Variants in CAPRIN2 observed in about 807,000 individuals in gnomAD.
CAPRIN2 encodes caprin-2.
Under a neutral mutation model 130.4 loss-of-function variants are expected in CAPRIN2, and 66 were observed. The observed-to-expected ratio is 0.51, with a 90% CI of 0.42 to 0.62. CAPRIN2 has a LOEUF of 0.62. Ranked by LOEUF, CAPRIN2 falls within the 20% of genes least tolerant of loss-of-function variation. CAPRIN2 has a pLI of 0.00. For missense variants in CAPRIN2, 1,185 were observed against 1,246.6 expected, an observed-to-expected ratio of 0.95 and a Z score of 0.74; for synonymous variants, 471 against 444.1, an observed-to-expected ratio of 1.06 and a Z score of -0.76.
chr12:30,720,853 A>G lies in CAPRIN2; in HGVS notation c.2106T>C (p.Ser702=), dbSNP rs775765874. The G allele has an allele frequency of 1.9e-6, 3 of 1,613,810 alleles. No homozygotes were observed. The South Asian group carries it at 3.3e-5, about 18-fold the overall frequency. ...TCATAAACTCTGTTTCAGATCCAGA[A>G]GAAGCCTGATCGGTAGTAACCAAGC... The change falls in exon 12 of 17, where the codon TCT becomes TCC. Residue 702 remains serine, a synonymous_variant. Coordinates refer to ENST00000298892, the Ensembl canonical transcript of CAPRIN2.
exon 9 of CAPRIN2, chr12:30,726,056 A>C: frequency 6.3e-7 from 1 of 1,591,750 alleles, no homozygotes; most frequent in East Asian, 2.3e-5. Context: ...GGGTAGAGGA[A>C]GAACCTACAG....
At chr12:30,739,690 G>A (rs902578933) in intron 3 of CAPRIN2, among the ~76,000 whole-genome samples, 1 of 151,462 alleles carries the variant, frequency 6.6e-6, no homozygotes, top group Non-Finnish European at 1.5e-5. Context: ...ACTCCAGCCT[G>A]GGCGACAGGG....
At chr12:30,739,697 AG>A (rs2066500380) in intron 3 of CAPRIN2, among the ~76,000 whole-genome samples, 1 of 149,320 alleles carries the variant, frequency 6.7e-6, no homozygotes, top group African/African-American at 2.5e-5. Flanking sequence ...CCTGGGCGAC[AG>A]GGCAAGACTC....
intron 11 of CAPRIN2, among the ~76,000 whole-genome samples, chr12:30,722,602 T>TA (rs1491036901): frequency 1.3e-5 from 2 of 152,110 alleles, no homozygotes; most frequent in Non-Finnish European, 2.9e-5. Flanking sequence ...GCTCAACAAA[T>TA]ACAGTTTGAA....
chr12:30,713,907 A>G (rs1366422088), intron 14 of CAPRIN2, 22 bp from the exon 17 acceptor site: 2 of 1,345,236 alleles, frequency 1.5e-6, no homozygotes, highest in East Asian at 2.3e-5. Context: ...ACAAACTTAC[A>G]TAAGATTATG....
At chr12:30,716,202 C>A in intron 13 of CAPRIN2, 1 of 262,058 alleles carries the variant, frequency 3.8e-6, no homozygotes, top group Non-Finnish European at 7.2e-6. Context: ...TATAAGCAGC[C>A]AGATAGTGCC....
intron 11 of CAPRIN2, 73 bp from the exon 13 acceptor site, chr12:30,720,988 T>C (rs2059249998): frequency 1.0e-6 from 1 of 1,003,038 alleles, no homozygotes; most frequent in Admixed American, 1.8e-5. Flanking sequence ...GCCCTGGCCT[T>C]CCTAATATGT....
At chr12:30,716,916 G>C (rs544084503) in intron 12 of CAPRIN2, among the ~76,000 whole-genome samples, 1 of 152,164 alleles carries the variant, frequency 6.6e-6, no homozygotes, top group Admixed American at 6.5e-5. Context: ...CATTAGCAGG[G>C]CTATTATCAA....
In CAPRIN2 at chr12:30,753,409, CAT is replaced by C; in HGVS notation, c.353_354del (p.Tyr118Ter). On this transcript the variant is annotated frameshift_variant, in exon 1 of 17. Coordinates refer to ENST00000298892, the Ensembl canonical transcript of CAPRIN2. LOFTEE classifies it high-confidence loss of function. ...ATGAGTCCATTTTCAATATAGGTCT[CAT>C]ACGCTTGGGAAGGAGATGCAGCAGA... The C allele has an allele frequency of 2.5e-6, 4 of 1,613,980 alleles. No individual in the cohort carries two copies. Among genetic ancestry groups the C allele is most frequent in the Non-Finnish European group, 3.4e-6 (4 of 1,180,028 alleles).
chr12:30,746,340 T>C (rs1258325859), intron 2 of CAPRIN2, among the ~76,000 whole-genome samples: 1 of 152,214 alleles, frequency 6.6e-6, no homozygotes, highest in Non-Finnish European at 1.5e-5. Flanking sequence ...TACAGTGAGC[T>C]ATGATATTGT....
chr12:30,733,334 G>A lies in CAPRIN2; in HGVS notation c.892+295C>T, dbSNP rs528818968. 1.9e-3 allele frequency among the ~76,000 whole-genome samples: 284 copies of A among 152,234 alleles called. 1 individual carries two copies. The highest frequency in any genetic ancestry group is 6.5e-3 in the African/African-American group (272 of 41,566). On this transcript the variant is annotated intron_variant, in intron 5 of 16. Transcript: ENST00000298892. The stretch of plus-strand genomic sequence containing the variant: ...AGAACAGGTACTACCACACAGAATA[G>A]AAAACTGAACCCCAAAATGATCAAG...
chr12:30,751,407 C>T (rs1277996921), intron 1 of CAPRIN2: 3 of 349,542 alleles, frequency 8.6e-6, no homozygotes, highest in African/African-American at 6.2e-5. Context: ...GACTACTTAA[C>T]CCATGGGGAC....
At chr12:30,730,391 A>G (rs1193415332) in intron 6 of CAPRIN2, 109 bp from the exon 8 acceptor site, 2 of 779,186 alleles carry the variant, frequency 2.6e-6, no homozygotes, top group East Asian at 2.6e-5. Context: ...TCGTAACAGA[A>G]AAAGGGTAAT....
At chr12:30,749,345 A>T (rs1384738322) in intron 2 of CAPRIN2, among the ~76,000 whole-genome samples, 1 of 152,178 alleles carries the variant, frequency 6.6e-6, no homozygotes, top group Non-Finnish European at 1.5e-5. Context: ...ACAAATGGGG[A>T]CTTCTGAGCA....
At chr12:30,724,642 T>C (rs1332801495) in intron 9 of CAPRIN2, among the ~76,000 whole-genome samples, 191 bp from the exon 11 acceptor site, 3 of 152,082 alleles carry the variant, frequency 2.0e-5, no homozygotes, top group African/African-American at 4.8e-5. Flanking sequence ...AAATTAAGAA[T>C]TAAAAATAAA....
At chr12:30,735,154 T>A (rs1443917252) in exon 4 of CAPRIN2, 1 of 1,614,156 alleles carries the variant, frequency 6.2e-7, no homozygotes, top group East Asian at 2.2e-5. Context: ...CTTCTCAGCC[T>A]CAAGTTTTAG....
chr12:30,744,321 A>G (rs2068864547), intron 2 of CAPRIN2, among the ~76,000 whole-genome samples: 2 of 152,178 alleles, frequency 1.3e-5, no homozygotes, highest in Non-Finnish European at 2.9e-5. Flanking sequence ...TTTTTTAACT[A>G]AAAATCTGTA....
In CAPRIN2 at chr12:30,751,401, A is replaced by G. The variant is rs1592346550; in HGVS notation, c.421-268T>C. 4 of 375,276 alleles carry G rather than the reference A, an allele frequency of 1.1e-5. No homozygotes were observed. In the East Asian group the frequency reaches 2.1e-4, roughly 20 times the overall value. 23.2% of individuals were successfully genotyped at this position (375,276 alleles called of 1,614,324 possible). A position where few individuals can be genotyped will look rare whatever the true frequency, so the allele number is the denominator to read the frequency against. ...TAATGACTCTATTAATAACTAGACT[A>G]CTTAACCCATGGGGACTTACCTACT... On this transcript the variant is annotated intron_variant, in intron 1 of 16. Transcript: ENST00000298892.
At position 30,734,217 on chromosome 12, in the gene CAPRIN2, T is replaced by C. The variant is rs117562008; in HGVS notation, c.810-506A>G. ...ATCAGCATGAGAATTAAAAAATACATGGCTATATATAGGCAATTAAGAGTT... is the reference window on the plus strand; with the variant it reads ...ATCAGCATGAGAATTAAAAAATACACGGCTATATATAGGCAATTAAGAGTT... On this transcript the variant is annotated intron_variant, in intron 4 of 16. Coordinates refer to ENST00000298892, the Ensembl canonical transcript of CAPRIN2. 9.1e-4 allele frequency among the ~76,000 whole-genome samples: 138 copies of C among 152,324 alleles called. 3 individuals are homozygous for C. The East Asian group carries it at 0.023, about 26-fold the overall frequency.
Sources: gnomAD v4.1 joint callset for allele counts (sites outside exome capture counted in the v4.1 genomes callset) on GRCh38, gnomAD v4.1.1 for gene constraint, MANE v1.5 for transcripts, NCBI Gene and HGNC (gene_info 2026-07-23, HGNC 2026-07-21) for gene names.